Variants in ADGRB3 observed in about 807,000 individuals in gnomAD.
ADGRB3 encodes the protein brain-specific angiogenesis inhibitor 3.
Under a neutral mutation model 193.4 loss-of-function variants are expected in ADGRB3, and 37 were observed. That is an observed-to-expected ratio of 0.19 (90% CI 0.15 to 0.25). ADGRB3 has a LOEUF of 0.25. ADGRB3 is among the 10% of genes least tolerant of loss of function. The pLI, the probability that ADGRB3 is intolerant of heterozygous loss-of-function variation, is 1.00. For missense variants in ADGRB3, 1,637 were observed against 1,852.9 expected, an observed-to-expected ratio of 0.88 and a Z score of 2.14; for synonymous variants, 690 against 644.2, an observed-to-expected ratio of 1.07 and a Z score of -1.08.
intron 7 of ADGRB3, 36 bp downstream of exon 7, chr6:68,956,224 A>G (rs1768067319): frequency 6.4e-7 from 1 of 1,568,612 alleles, no homozygotes; most frequent in African/African-American, 1.4e-5. Context: ...GGGCACTCGT[A>G]CCATGTAAAG....
intron 8 of ADGRB3, among the ~76,000 whole-genome samples, chr6:68,965,445 G>GA (rs146658206): frequency 2.6e-4 from 39 of 148,748 alleles, no homozygotes; most frequent in Middle Eastern, 3.5e-3. Flanking sequence ...AGTAGTACAT[G>GA]TTTTTTTTTT....
At chr6:69,032,269 T>A (rs573884801) in intron 13 of ADGRB3, among the ~76,000 whole-genome samples, 18 of 152,288 alleles carry the variant, frequency 1.2e-4, no homozygotes, top group Middle Eastern at 3.4e-3. Context: ...ATAACATAAA[T>A]GGGAAGGTGA....
chr6:68,680,495 ACT>A (rs1764875893), intron 3 of ADGRB3, among the ~76,000 whole-genome samples: 1 of 151,898 alleles, frequency 6.6e-6, no homozygotes, highest in East Asian at 1.9e-4. Flanking sequence ...AGCATTTTGG[ACT>A]CTTCATCTAT....
At chr6:68,962,301 A>C (rs1174384950) in intron 8 of ADGRB3, among the ~76,000 whole-genome samples, 2 of 152,202 alleles carry the variant, frequency 1.3e-5, no homozygotes, top group Non-Finnish European at 2.9e-5. Flanking sequence ...GTTCTGCAGC[A>C]AATCAAGCTG....
At chr6:69,100,158 A>G (rs1240504582) in intron 17 of ADGRB3, among the ~76,000 whole-genome samples, 1 of 152,182 alleles carries the variant, frequency 6.6e-6, no homozygotes, top group Non-Finnish European at 1.5e-5. Context: ...TTGCAAGGGA[A>G]TATTTCTGTA....
chr6:68,889,545 C>T lies in ADGRB3; in HGVS notation c.758-41014C>T, dbSNP rs184790391. Among the ~76,000 whole-genome samples, 49 of 150,936 alleles carry T rather than the reference C, an allele frequency of 3.2e-4. 1 individual carries two copies. In the South Asian group the frequency reaches 4.8e-3, roughly 15 times the overall value. ...TGAGACGGCTTCTCGCTCTGTCCCC[C>T]GGGCTGGAGTGCAGTGGTGCAATCT... On this transcript the variant is annotated intron_variant, in intron 3 of 31. Coordinates refer to ENST00000370598, the MANE Select transcript of ADGRB3 (RefSeq NM_001704.3).
rs552667195 is a variant in ADGRB3, at chr6:69,095,719, G to C, written c.2480+19681G>C. ...TTAAGTGACAAAGTAATCACAAAGT[G>C]GTTTTCAGAAATAGGCAAACTGAGA... On this transcript the variant is annotated intron_variant, in intron 17 of 31. Coordinates refer to ENST00000370598, the MANE Select transcript of ADGRB3 (RefSeq NM_001704.3). Among the ~76,000 whole-genome samples the C allele has an allele frequency of 2.0e-4, 30 of 152,254 alleles. No individual in the cohort carries two copies. The South Asian group carries it at 6.0e-3, about 30-fold the overall frequency.
intron 23 of ADGRB3, chr6:69,331,986 A>G: frequency 1.0e-6 from 1 of 985,334 alleles, no homozygotes; most frequent in Non-Finnish European, 1.2e-6. Context: ...TACGTTAGCA[A>G]CTGGACACAT....
At chr6:69,166,932 G>T (rs953210833) in intron 17 of ADGRB3, among the ~76,000 whole-genome samples, 1 of 152,046 alleles carries the variant, frequency 6.6e-6, no homozygotes, top group Non-Finnish European at 1.5e-5. Context: ...ATCTGCTAAA[G>T]ATTTAAGAAA....
intron 26 of ADGRB3, among the ~76,000 whole-genome samples, chr6:69,344,222 G>T (rs1769037482): frequency 6.6e-6 from 1 of 152,120 alleles, no homozygotes; most frequent in African/African-American, 2.4e-5. Context: ...GAATCCTGTG[G>T]CTGTTCTGTA....
chr6:69,354,501 G>T (rs554761462), intron 27 of ADGRB3, among the ~76,000 whole-genome samples, 173 bp downstream of exon 27: 42 of 152,160 alleles, frequency 2.8e-4, no homozygotes, highest in Non-Finnish European at 5.3e-4. Context: ...GATGGCTTCA[G>T]AGTCCAGGAC....
intron 13 of ADGRB3, among the ~76,000 whole-genome samples, chr6:69,037,972 C>A (rs930250888): frequency 6.6e-6 from 1 of 152,138 alleles, no homozygotes; most frequent in Non-Finnish European, 1.5e-5. Flanking sequence ...AATACTATGC[C>A]AGTCCATGAG....
intron 17 of ADGRB3, among the ~76,000 whole-genome samples, chr6:69,162,894 G>A (rs1775036099): frequency 6.6e-6 from 1 of 151,992 alleles, no homozygotes. Context: ...TAGCAGAAAG[G>A]CAGCCTGCTT....
chr6:68,637,956 T>TA (rs1443717319), intron 2 of ADGRB3, among the ~76,000 whole-genome samples: 1 of 152,260 alleles, frequency 6.6e-6, no homozygotes, highest in Non-Finnish European at 1.5e-5. Flanking sequence ...CCTATGTATT[T>TA]ATCCATCTAT....
chr6:68,846,198 G>A (rs1404362324), intron 3 of ADGRB3, among the ~76,000 whole-genome samples: 1 of 152,146 alleles, frequency 6.6e-6, no homozygotes, highest in Non-Finnish European at 1.5e-5. Context: ...GAATTTCTAA[G>A]CAGCAAAGCA....
chr6:68,826,405 T>C (rs2127382157), intron 3 of ADGRB3, among the ~76,000 whole-genome samples: 1 of 152,156 alleles, frequency 6.6e-6, no homozygotes, highest in South Asian at 2.1e-4. Flanking sequence ...TGTTAGGGTA[T>C]AGATAAATAA....
rs56791757 is a variant in ADGRB3 at position 69,137,862 on chromosome 6, C to G, written c.2480+61824C>G. On this transcript the variant is annotated intron_variant, in intron 17 of 31. Transcript: ENST00000370598. ...ATGCCTAAACACAATAGATACCTTT[C>G]TCTGCCTCATGTTAACAGAACAAAT... Among the ~76,000 whole-genome samples the G allele has an allele frequency of 4.3e-3, 649 of 152,270 alleles. 3 individuals are homozygous for G. Among genetic ancestry groups the G allele is most frequent in the African/African-American group, 0.015 (605 of 41,556 alleles).
chr6:68,641,539 GA>G (rs959211214), intron 3 of ADGRB3, among the ~76,000 whole-genome samples: 6 of 152,140 alleles, frequency 3.9e-5, no homozygotes, highest in Non-Finnish European at 8.8e-5. Flanking sequence ...AGTTGAACTA[GA>G]AAAAGTTTGT....
chr6:69,382,477 GT>G (rs1703779919), intron 30 of ADGRB3, among the ~76,000 whole-genome samples: 1 of 151,896 alleles, frequency 6.6e-6, no homozygotes, highest in Admixed American at 6.6e-5. Flanking sequence ...TGCTTTACAA[GT>G]TTAAGTTTTT....
Sources: gnomAD v4.1 joint callset for allele counts (sites outside exome capture counted in the v4.1 genomes callset) on GRCh38, gnomAD v4.1.1 for gene constraint, MANE v1.5 for transcripts, NCBI Gene and HGNC (gene_info 2026-07-23, HGNC 2026-07-21) for gene names.